The following NUP58 variants were observed in gnomAD, a reference collection of about 807,000 sequenced individuals.
NUP58 encodes nucleoporin 58, also known as nucleoporin p58/p45.
In NUP58, 17 loss-of-function variants were observed where a neutral mutation model predicts 70.1. The ratio of observed to expected loss-of-function variants is 0.24; its 90% CI spans 0.17 to 0.36. The LOEUF is 0.36. Ranked by LOEUF, NUP58 falls within the 10% of genes least tolerant of loss-of-function variation. The probability of loss-of-function intolerance (pLI) is 1.00; values close to 1 mark genes in which losing one functional copy is unlikely to be tolerated. For synonymous variants in NUP58, 275 were observed against 257.6 expected (o/e 1.07, Z -0.65); for missense variants, 644 against 701.5 (o/e 0.92, Z 0.93).
Position 25,321,050 on chromosome 13 carries a change from G to A in NUP58, c.908G>A (p.Arg303Lys). ...LLSLAANGIQ[R>K]NTLNIDKLKI... ...TCGTTGGCTGCCAATGGAATACAGA[G>A]AAACACTCTCAACATTGACAAATTG... The change falls in exon 9 of 16, where the codon AGA becomes AAA. Residue 303 changes from arginine (R) to lysine (K), a missense_variant. Coordinates refer to ENST00000381736, the MANE Select transcript of NUP58 (RefSeq NM_014089.4). The A allele has an allele frequency of 6.3e-7, 1 of 1,596,718 alleles. No homozygotes were observed. Among genetic ancestry groups the A allele is most frequent in the African/African-American group, 1.4e-5 (1 of 73,724 alleles).
intron 12 of NUP58, 113 bp downstream of exon 12, chr13:25,327,625 G>T: frequency 7.8e-4 from 444 of 571,452 alleles, no homozygotes; most frequent in East Asian, 1.4e-3. Flanking sequence ...ACATATAAGT[G>T]AAAAGATGAA....
chr13:25,335,114 G>T (rs1261251323), intron 13 of NUP58: 1 of 985,040 alleles, frequency 1.0e-6, no homozygotes, highest in East Asian at 1.1e-4. Flanking sequence ...TTATACATTT[G>T]CCTACGAGTT....
In NUP58 at chr13:25,304,500, A is replaced by G. The variant is rs370145954; in HGVS notation, c.107+2620A>G. On this transcript the variant is annotated intron_variant, in intron 1 of 15. Transcript: ENST00000381736. ...AGATTATATATATATATATATATATATATATATATATATATATGTATTTTT... is the reference window on the plus strand; with the variant it reads ...AGATTATATATATATATATATATATGTATATATATATATATATGTATTTTT... Among the ~76,000 whole-genome samples, 7 of 95,186 alleles carry G rather than the reference A, an allele frequency of 7.4e-5. No individual in the cohort carries two copies. In the East Asian group the frequency reaches 1.2e-3, roughly 17 times the overall value. 62.4% of individuals were successfully genotyped at this position (95,186 alleles called of 152,430 possible).
At chr13:25,333,017 C>T in intron 13 of NUP58, 2 of 984,096 alleles carry the variant, frequency 2.0e-6, no homozygotes, top group Non-Finnish European at 1.2e-6. Context: ...AATTTCCATT[C>T]TATTAAATAG....
intron 12 of NUP58, 37 bp from the exon 13 acceptor site, chr13:25,331,319 GA>G (rs777925872): frequency 1.3e-6 from 2 of 1,585,000 alleles, no homozygotes; most frequent in African/African-American, 2.7e-5. Flanking sequence ...TAGTCAATGT[GA>G]AACTTCATTT....
chr13:25,322,371 G>A (rs980383339), intron 9 of NUP58, among the ~76,000 whole-genome samples: 8 of 152,318 alleles, frequency 5.3e-5, no homozygotes, highest in African/African-American at 1.9e-4. Context: ...GAATTTCAAA[G>A]ACTTTATTGT....
At chr13:25,308,451 C>T (rs1349548304) in intron 2 of NUP58, among the ~76,000 whole-genome samples, 1 of 150,774 alleles carries the variant, frequency 6.6e-6, no homozygotes, top group Non-Finnish European at 1.5e-5. Flanking sequence ...CACACGTGTG[C>T]ACCACCACGC....
downstream of NUP58, among the ~76,000 whole-genome samples, chr13:25,347,369 A>G (rs2032062902): frequency 6.6e-6 from 1 of 152,178 alleles, no homozygotes; most frequent in South Asian, 2.1e-4. Context: ...CATAGCTGCA[A>G]GTAGGTCTGG....
intron 13 of NUP58, chr13:25,331,959 G>A: frequency 9.6e-7 from 1 of 1,038,106 alleles, no homozygotes; most frequent in Non-Finnish European, 1.2e-6. Context: ...CTGATAGGTG[G>A]TGCATTCTCA....
intron 3 of NUP58, among the ~76,000 whole-genome samples, chr13:25,310,166 A>G (rs1237208474): frequency 4.7e-5 from 7 of 148,086 alleles, no homozygotes; most frequent in Non-Finnish European, 7.4e-5. Context: ...GGGGTTCCCA[A>G]GTAGCTAGGA....
intron 2 of NUP58, 122 bp downstream of exon 2, chr13:25,308,070 T>C (rs949828046): frequency 2.7e-6 from 3 of 1,116,466 alleles, no homozygotes; most frequent in South Asian, 2.0e-5. Flanking sequence ...TGGTAAATGC[T>C]AAGATGAAAA....
intron 3 of NUP58, among the ~76,000 whole-genome samples, chr13:25,310,416 C>T (rs545720719): frequency 6.6e-6 from 1 of 151,038 alleles, no homozygotes; most frequent in African/African-American, 2.4e-5. Context: ...GATGGGGTTT[C>T]TCCATGTTGG....
chr13:25,343,756 C>G (rs2032009218), downstream of NUP58, among the ~76,000 whole-genome samples: 1 of 150,384 alleles, frequency 6.6e-6, no homozygotes, highest in South Asian at 2.1e-4. Context: ...CATGCCCAGC[C>G]AATTCATCCA....
intron 13 of NUP58, chr13:25,332,321 AGT>A: frequency 1.0e-6 from 1 of 985,426 alleles, no homozygotes; most frequent in Non-Finnish European, 1.2e-6. Context: ...GTCATTCTAC[AGT>A]GTTTTATTTG....
chr13:25,321,790 G>A (rs955869228), intron 9 of NUP58, among the ~76,000 whole-genome samples: 5 of 152,086 alleles, frequency 3.3e-5, no homozygotes, highest in African/African-American at 4.8e-5. Context: ...GGTGGTGCAT[G>A]CCTATAATCC....
chr13:25,348,787 C>T (rs1397978206), intron 3 of NUP58, among the ~76,000 whole-genome samples: 1 of 152,034 alleles, frequency 6.6e-6, no homozygotes. Context: ...CTTTGTCTAC[C>T]CTTGTTCATC....
intron 7 of NUP58, among the ~76,000 whole-genome samples, chr13:25,319,916 A>G (rs993994522): frequency 9.9e-5 from 15 of 152,172 alleles, no homozygotes; most frequent in African/African-American, 3.6e-4. Context: ...AATGAAGAAG[A>G]TTAGAGAAAC....
chr13:25,335,935 C>T, intron 13 of NUP58: 2 of 1,091,474 alleles, frequency 1.8e-6, no homozygotes, highest in Admixed American at 5.3e-5. Flanking sequence ...ATTATTTATC[C>T]AAATGAGAGA....
At chr13:25,343,020 A>T (rs955325007), downstream of NUP58, among the ~76,000 whole-genome samples, 1 of 151,928 alleles carries the variant, frequency 6.6e-6, no homozygotes, top group African/African-American at 2.4e-5. Context: ...TAATTTTTTA[A>T]AATTTTTTTT....
Sources: gnomAD v4.1 joint callset for allele counts (sites outside exome capture counted in the v4.1 genomes callset) on GRCh38, gnomAD v4.1.1 for gene constraint, MANE v1.5 for transcripts, NCBI Gene and HGNC (gene_info 2026-07-23, HGNC 2026-07-21) for gene names.